The following NCAM2 variants were observed in gnomAD, a reference collection of about 807,000 sequenced individuals.
The protein encoded by NCAM2 is N-CAM-2.
NCAM2 carries 30 observed loss-of-function variants against 98.1 expected under a neutral mutation model. That is an observed-to-expected ratio of 0.31 (90% CI 0.23 to 0.41). NCAM2 has a LOEUF of 0.41. NCAM2 is among the 10% of genes least tolerant of loss of function. The pLI is 1.00. For missense variants in NCAM2, 867 were observed against 1,005.8 expected (o/e 0.86, Z 1.87); for synonymous variants, 368 against 342.4 (o/e 1.07, Z -0.83).
intron 1 of NCAM2, among the ~76,000 whole-genome samples, chr21:21,176,411 C>T (rs1024118875): frequency 1.3e-5 from 2 of 152,100 alleles, no homozygotes; most frequent in African/African-American, 4.8e-5. Flanking sequence ...GATGGATAAT[C>T]ATAACTGCAT....
intron 1 of NCAM2, among the ~76,000 whole-genome samples, chr21:21,073,363 T>C (rs2065613193): frequency 2.0e-5 from 3 of 152,210 alleles, no homozygotes; most frequent in Admixed American, 2.0e-4. Context: ...ATTATTAATC[T>C]GTGTCTAAAA....
chr21:21,415,377 C>T lies in NCAM2; in HGVS notation c.1384-3096C>T, dbSNP rs117870379. On this transcript the variant is annotated intron_variant, in intron 10 of 17. Coordinates refer to ENST00000400546, the MANE Select transcript of NCAM2 (RefSeq NM_004540.5). ...TTTTTGAGACAGGGTCTTGCTCTGTCGCCCAGGCTGTGTAGTGGCGCGATC... is the reference window on the plus strand; with the variant it reads ...TTTTTGAGACAGGGTCTTGCTCTGTTGCCCAGGCTGTGTAGTGGCGCGATC... 3.0e-3 allele frequency among the ~76,000 whole-genome samples: 367 copies of T among 121,762 alleles called. 1 individual carries two copies. Among genetic ancestry groups the T allele is most frequent in the Middle Eastern group, 7.7e-3 (1 of 130 alleles). 79.9% of individuals were successfully genotyped at this position (121,762 alleles called of 152,430 possible).
At chr21:21,297,567 T>C (rs1383669231) in intron 5 of NCAM2, among the ~76,000 whole-genome samples, 2 of 151,786 alleles carry the variant, frequency 1.3e-5, no homozygotes, top group African/African-American at 4.8e-5. Context: ...ATTCATATTC[T>C]TTTAACTAGA....
chr21:21,530,561 C>T (rs1989636230), intron 16 of NCAM2, among the ~76,000 whole-genome samples: 1 of 150,926 alleles, frequency 6.6e-6, no homozygotes, highest in Admixed American at 6.6e-5. Context: ...TACACACACA[C>T]TCACACACAC....
intron 1 of NCAM2, among the ~76,000 whole-genome samples, chr21:21,179,171 T>C (rs993216498): frequency 2.0e-5 from 3 of 152,132 alleles, no homozygotes; most frequent in Admixed American, 6.6e-5. Context: ...AGATTTAAGA[T>C]TCATTCTAAT....
chr21:21,186,395 A>G (rs2068641822), intron 1 of NCAM2, among the ~76,000 whole-genome samples: 1 of 152,144 alleles, frequency 6.6e-6, no homozygotes. Flanking sequence ...AAAATCTAAG[A>G]TATTATGGAT....
At chr21:21,111,613 A>AT (rs1165198722) in intron 1 of NCAM2, among the ~76,000 whole-genome samples, 1 of 152,228 alleles carries the variant, frequency 6.6e-6, no homozygotes, top group African/African-American at 2.4e-5. Flanking sequence ...GGGATAATCC[A>AT]TTCACAGGAA....
intron 1 of NCAM2, among the ~76,000 whole-genome samples, chr21:21,264,398 GAATGTAAATTAGTTC>G (rs1440826563): frequency 6.6e-6 from 1 of 152,028 alleles, no homozygotes; most frequent in Non-Finnish European, 1.5e-5. Flanking sequence ...TCATCAATGG[GAATGTAAATTAGTTC>G]AACCCCAATA....
intron 1 of NCAM2, among the ~76,000 whole-genome samples, chr21:21,048,410 T>A (rs2065040946): frequency 6.6e-6 from 1 of 152,052 alleles, no homozygotes; most frequent in South Asian, 2.1e-4. Flanking sequence ...TGGAGTACAG[T>A]GGCGCAATCT....
chr21:21,335,285 T>C (rs2074829726), intron 6 of NCAM2, among the ~76,000 whole-genome samples: 1 of 152,158 alleles, frequency 6.6e-6, no homozygotes, highest in Non-Finnish European at 1.5e-5. Flanking sequence ...GTTCAAATGT[T>C]ATTCTTGTGT....
intron 1 of NCAM2, among the ~76,000 whole-genome samples, chr21:21,097,614 A>C (rs534056570): frequency 6.6e-6 from 1 of 151,724 alleles, no homozygotes; most frequent in African/African-American, 2.4e-5. Flanking sequence ...TTGTATACAT[A>C]ACAGATATCT....
At chr21:21,112,911 T>C (rs902067856) in intron 1 of NCAM2, among the ~76,000 whole-genome samples, 1 of 152,220 alleles carries the variant, frequency 6.6e-6, no homozygotes, top group African/African-American at 2.4e-5. Flanking sequence ...TTGGTAAGAA[T>C]GGGATGTGTT....
chr21:21,375,588 C>T (rs930242027), intron 9 of NCAM2, among the ~76,000 whole-genome samples: 2 of 151,658 alleles, frequency 1.3e-5, no homozygotes, highest in Non-Finnish European at 3.0e-5. Flanking sequence ...TCCATTATTA[C>T]AGTATATTTC....
chr21:21,050,893 A>G (rs544935889), intron 1 of NCAM2, among the ~76,000 whole-genome samples: 78 of 152,310 alleles, frequency 5.1e-4, no homozygotes, highest in Non-Finnish European at 9.4e-4. Context: ...CAATATCAAA[A>G]TGAATTTGGC....
intron 1 of NCAM2, among the ~76,000 whole-genome samples, chr21:21,215,654 G>A (rs949392324): frequency 6.6e-6 from 1 of 152,058 alleles, no homozygotes; most frequent in African/African-American, 2.4e-5. Flanking sequence ...CTTGATCCCG[G>A]GAGGCAAAGA....
In NCAM2 at chr21:21,214,722, C is replaced by CATAT. The variant is rs1555829682; in HGVS notation, c.56-65834_56-65831dup. Among the ~76,000 whole-genome samples the CATAT allele has an allele frequency of 6.6e-3, 612 of 92,586 alleles. 19 individuals are homozygous for CATAT. The highest frequency in any genetic ancestry group is 0.03 in the Admixed American group (245 of 8,196). The allele number at this position is 92,586 out of a possible 152,430, so 60.7% of individuals were successfully genotyped here. The stretch of plus-strand genomic sequence containing the variant: ...TCAGGGGGAGTAAATATATATATTC[C>CATAT]ATATATATATATATATATATATATA... On this transcript the variant is annotated intron_variant, in intron 1 of 17. Transcript: ENST00000400546.
At position 21,167,307 on chromosome 21, in the gene NCAM2, A is replaced by G. The variant is rs544787165; in HGVS notation, c.56-113271A>G. 2.6e-5 allele frequency among the ~76,000 whole-genome samples: 4 copies of G among 152,274 alleles called. No homozygotes were observed. In the East Asian group the frequency reaches 5.8e-4, roughly 22 times the overall value. ...ATGATTAGATGTAGATTTTGAAGAA[A>G]AAAAGGATAATCCAATATATCTGTT... is the stretch of plus-strand genomic sequence containing the variant. On this transcript the variant is annotated intron_variant, in intron 1 of 17. Coordinates refer to ENST00000400546, the MANE Select transcript of NCAM2 (RefSeq NM_004540.5).
At chr21:21,491,952 TC>T (rs1395410321) in intron 15 of NCAM2, among the ~76,000 whole-genome samples, 4 of 151,600 alleles carry the variant, frequency 2.6e-5, no homozygotes, top group South Asian at 2.1e-4. Context: ...TTTTCCTGAA[TC>T]CCCTTGATAA....
intron 1 of NCAM2, among the ~76,000 whole-genome samples, chr21:21,187,190 C>T (rs530775640): frequency 1.1e-4 from 17 of 152,032 alleles, no homozygotes; most frequent in Non-Finnish European, 2.2e-4. Context: ...CGTCACTGCA[C>T]TCCAGGCTGG....
Sources: allele counts gnomAD v4.1 joint callset (sites outside exome capture counted in the v4.1 genomes callset), GRCh38; gene constraint gnomAD v4.1.1; transcripts MANE v1.5; gene names NCBI Gene and HGNC (gene_info 2026-07-23, HGNC 2026-07-21).